Variants in DOCK1 observed in about 807,000 individuals in gnomAD.
DOCK1 encodes dedicator of cytokinesis protein 1.
A neutral mutation model predicts 262.7 loss-of-function variants in DOCK1; 138 were observed. That is an observed-to-expected ratio of 0.53 (90% CI 0.46 to 0.61). The LOEUF (loss-of-function observed/expected upper bound fraction) is 0.61. DOCK1 is among the 20% of genes least tolerant of loss of function. DOCK1 has a pLI of 0.00. For missense variants in DOCK1, 1,908 were observed against 2,370.7 expected (o/e 0.80, Z 4.05); for synonymous variants, 866 against 867.4 (o/e 1.00, Z 0.03).
Position 127,008,787 on chromosome 10 carries a change from T to C in DOCK1, c.1041T>C (p.His347=), listed in dbSNP as rs374245459. ...NGKVDDEDKQ[H]FIPFQPLALD... ...AAGTAGATGATGAAGATAAGCAGCA[T>C]TTCATTCCCTTTCAGCCGTAAGTAT... The change falls in exon 11 of 52, where the codon CAT becomes CAC. Residue 347 remains histidine, a synonymous_variant. Transcript: ENST00000623213. The C allele has an allele frequency of 6.3e-7, 1 of 1,599,806 alleles. No homozygotes were observed. The highest frequency in any genetic ancestry group is 8.5e-7 in the Non-Finnish European group (1 of 1,172,492).
At chr10:127,358,598 T>C (rs1173283984) in intron 32 of DOCK1, among the ~76,000 whole-genome samples, 1 of 152,132 alleles carries the variant, frequency 6.6e-6, no homozygotes, top group Admixed American at 6.5e-5. Flanking sequence ...TGGAGCAAGA[T>C]CTTTATCCAC....
rs1307028732 is a variant in DOCK1 at position 127,017,798 on chromosome 10, A to T, written c.1202-912A>T. 4.7e-5 allele frequency among the ~76,000 whole-genome samples: 6 copies of T among 128,136 alleles called. No homozygotes were observed. The Admixed American group carries it at 4.7e-4, about 10-fold the overall frequency. The allele number at this position is 128,136 out of a possible 152,430, so 84.1% of individuals were successfully genotyped here. On this transcript the variant is annotated intron_variant, in intron 12 of 51. Transcript: ENST00000623213. ...AGTGCCAGCCCCTTCCCATGGGGGG[A>T]AAAGATGCCGTCGTCGTAGAAGACA...
rs562009116 is a variant in DOCK1, at chr10:127,091,136, C to T, written c.2446-15095C>T. ...AGCTGGGACTACAGGTGCCCGCCACCGCACCTGGCTAATTTTTTTTGCATT... is the reference window on the plus strand; with the variant it reads ...AGCTGGGACTACAGGTGCCCGCCACTGCACCTGGCTAATTTTTTTTGCATT... On this transcript the variant is annotated intron_variant, in intron 23 of 51. Coordinates refer to ENST00000623213, the MANE Select transcript of DOCK1 (RefSeq NM_001290223.2). 5.9e-5 allele frequency among the ~76,000 whole-genome samples: 9 copies of T among 152,172 alleles called. 1 individual carries two copies. The highest frequency in any genetic ancestry group is 5.8e-4 in the East Asian group (3 of 5,160).
intron 10 of DOCK1, among the ~76,000 whole-genome samples, chr10:127,007,199 T>C (rs1231577590): frequency 6.6e-6 from 1 of 151,938 alleles, no homozygotes; most frequent in Non-Finnish European, 1.5e-5. Context: ...GGCCCCTTGG[T>C]TGAGTGGAGT....
At chr10:126,972,492 C>G (rs1220550281) in intron 2 of DOCK1, among the ~76,000 whole-genome samples, 1 of 152,086 alleles carries the variant, frequency 6.6e-6, no homozygotes, top group Non-Finnish European at 1.5e-5. Flanking sequence ...TCCCATATAG[C>G]ATATGAATAA....
chr10:127,190,531 T>C (rs572330400), intron 27 of DOCK1, among the ~76,000 whole-genome samples: 2 of 96,188 alleles, frequency 2.1e-5, no homozygotes, highest in East Asian at 1.3e-3. Context: ...TGTGAATCGC[T>C]TCATCCAATT....
chr10:127,206,739 A>G (rs1039887783), intron 27 of DOCK1, among the ~76,000 whole-genome samples: 2 of 152,132 alleles, frequency 1.3e-5, no homozygotes, highest in African/African-American at 4.8e-5. Flanking sequence ...CTTAATTTTC[A>G]TTTTTTGACA....
chr10:126,937,631 A>G (rs1219137866), intron 1 of DOCK1, among the ~76,000 whole-genome samples: 4 of 148,376 alleles, frequency 2.7e-5, no homozygotes, highest in African/African-American at 1.0e-4. Context: ...TTTTTTCATG[A>G]GCTTATTGAT....
At chr10:127,009,578 G>A (rs1447687767) in intron 11 of DOCK1, among the ~76,000 whole-genome samples, 1 of 152,132 alleles carries the variant, frequency 6.6e-6, no homozygotes, top group Non-Finnish European at 1.5e-5. Context: ...TTCCTCCTGG[G>A]CGTGGGGTTG....
intron 30 of DOCK1, among the ~76,000 whole-genome samples, chr10:127,340,573 T>C (rs11017415): frequency 0.014 from 2,199 of 152,340 alleles, 34 homozygotes; most frequent in African/African-American, 0.032. Flanking sequence ...GATACATGTG[T>C]CTCTTAGTAC....
At position 127,175,500 on chromosome 10, in the gene DOCK1, G is replaced by T. The variant is rs150869481; in HGVS notation, c.2847+47736G>T. 4.4e-6 allele frequency: 7 copies of T among 1,608,616 alleles called. No individual in the cohort carries two copies. Among genetic ancestry groups the T allele is most frequent in the South Asian group, 2.2e-5 (2 of 91,082 alleles). On this transcript the variant is annotated intron_variant, in intron 27 of 51. Coordinates refer to ENST00000623213, the MANE Select transcript of DOCK1 (RefSeq NM_001290223.2). This position sits in a 1 kb window ranked among gnomAD's most constrained non-coding sequence, Gnocchi z 6.3. Reference sequence around the variant, plus strand: ...GCAGGCCAGGGCAGTTTCCGAGGGCGCCTGGAGCCCGTTGAGATGTGTGGC... The same window carrying T: ...GCAGGCCAGGGCAGTTTCCGAGGGCTCCTGGAGCCCGTTGAGATGTGTGGC...
intron 29 of DOCK1, among the ~76,000 whole-genome samples, chr10:127,323,345 G>A (rs2062618731): frequency 6.6e-6 from 1 of 152,188 alleles, no homozygotes; most frequent in African/African-American, 2.4e-5. Flanking sequence ...CAGCCTCTCA[G>A]ATATGTCCTG....
intron 29 of DOCK1, among the ~76,000 whole-genome samples, chr10:127,322,150 C>T (rs542150891): frequency 9.3e-5 from 14 of 150,706 alleles, no homozygotes; most frequent in African/African-American, 2.7e-4. Context: ...AATGATAGGC[C>T]ATGGCAGATT....
chr10:127,164,695 A>C (rs1273121762), intron 27 of DOCK1, among the ~76,000 whole-genome samples: 4 of 152,212 alleles, frequency 2.6e-5, no homozygotes, highest in Middle Eastern at 3.2e-3. Flanking sequence ...TTTTAGCTTT[A>C]GTGCCTTTTA....
intron 23 of DOCK1, among the ~76,000 whole-genome samples, chr10:127,093,198 TTTTCTTTC>T (rs71490109): frequency 4.3e-5 from 4 of 92,354 alleles, no homozygotes; most frequent in African/African-American, 1.3e-4. Context: ...TCCCTCTCCT[TTTTCTTTC>T]TTTCTTTCTT....
At chr10:127,435,341 C>T (rs2134676761) in intron 48 of DOCK1, among the ~76,000 whole-genome samples, 1 of 152,292 alleles carries the variant, frequency 6.6e-6, no homozygotes, top group South Asian at 2.1e-4. Flanking sequence ...CACACAGAAA[C>T]AAACTTCCAG....
At chr10:127,093,730 A>C (rs183387989) in intron 23 of DOCK1, among the ~76,000 whole-genome samples, 26 of 152,188 alleles carry the variant, frequency 1.7e-4, no homozygotes, top group Non-Finnish European at 3.5e-4. Flanking sequence ...TTTATCTGCA[A>C]AGATTCTGTT....
intron 49 of DOCK1, 39 bp from the exon 50 acceptor site, chr10:127,444,087 A>G (rs1302324457): frequency 6.5e-7 from 1 of 1,550,132 alleles, no homozygotes; most frequent in Non-Finnish European, 8.7e-7. Context: ...TCAGCCCATA[A>G]CAGACCGTAA....
intron 3 of DOCK1, among the ~76,000 whole-genome samples, chr10:126,980,639 C>T (rs919779415): frequency 2.0e-5 from 3 of 152,168 alleles, no homozygotes; most frequent in Non-Finnish European, 4.4e-5. Context: ...TAGACCAGTT[C>T]AGCCCCCTGC....
Sources: allele counts gnomAD v4.1 joint callset (sites outside exome capture counted in the v4.1 genomes callset), GRCh38; gene constraint gnomAD v4.1.1; non-coding constraint Gnocchi (gnomAD v3.1); transcripts MANE v1.5; gene names NCBI Gene and HGNC (gene_info 2026-07-23, HGNC 2026-07-21).